The following DNAH7 variants were observed in gnomAD, a reference collection of about 807,000 sequenced individuals.
DNAH7 encodes the protein axonemal beta dynein heavy chain 7.
In DNAH7, 397 loss-of-function variants were observed where a neutral mutation model predicts 444.6. That is an observed-to-expected ratio of 0.89 (90% CI 0.82 to 0.97). DNAH7 has a LOEUF of 0.97. DNAH7 is among the 50% of genes least tolerant of loss of function. DNAH7 has a pLI of 0.00. For synonymous variants in DNAH7, 1,636 were observed against 1,624.4 expected (o/e 1.01, Z -0.17); for missense variants, 4,902 against 4,800.8 (o/e 1.02, Z -0.62).
chr2:195,780,371 T>C (rs1014434722), intron 58 of DNAH7, among the ~76,000 whole-genome samples: 3 of 152,172 alleles, frequency 2.0e-5, no homozygotes, highest in Non-Finnish European at 2.9e-5. Context: ...GTCTTTCAGA[T>C]AAAATTTTAA....
chr2:195,967,117 CT>C (rs945365467), intron 17 of DNAH7, among the ~76,000 whole-genome samples: 33 of 151,714 alleles, frequency 2.2e-4, no homozygotes, highest in Admixed American at 2.6e-4. Context: ...TTTTGTTTAT[CT>C]GTTGTATATA....
chr2:195,763,053 G>T (rs766992960), intron 61 of DNAH7, among the ~76,000 whole-genome samples: 12 of 152,106 alleles, frequency 7.9e-5, no homozygotes, highest in Non-Finnish European at 1.6e-4. Context: ...TCAATAACAA[G>T]AGGAATTTTG....
chr2:196,018,576 A>G (rs1041570002), intron 9 of DNAH7, among the ~76,000 whole-genome samples: 8 of 152,190 alleles, frequency 5.3e-5, no homozygotes, highest in South Asian at 4.1e-4. Context: ...TCAGAATTCC[A>G]TAAGATAAAT....
chr2:196,007,777 G>C (rs1694472794), intron 10 of DNAH7, among the ~76,000 whole-genome samples: 1 of 152,094 alleles, frequency 6.6e-6, no homozygotes, highest in Non-Finnish European at 1.5e-5. Flanking sequence ...CTTCCACCAT[G>C]ATTGTGAGGC....
chr2:195,828,867 A>C (rs1211873327), intron 48 of DNAH7, among the ~76,000 whole-genome samples: 7 of 152,032 alleles, frequency 4.6e-5, no homozygotes, highest in Non-Finnish European at 7.4e-5. Flanking sequence ...AAAGCCTTAC[A>C]TATATTAGGG....
chr2:195,785,019 C>T (rs1279153843), intron 58 of DNAH7, among the ~76,000 whole-genome samples: 1 of 151,298 alleles, frequency 6.6e-6, no homozygotes, highest in Non-Finnish European at 1.5e-5. Flanking sequence ...TCACGCCATT[C>T]TCCTGCCTCA....
At chr2:195,786,649 T>G (rs80111169) in intron 58 of DNAH7, among the ~76,000 whole-genome samples, 4,760 of 152,102 alleles carry the variant, frequency 0.031, 90 homozygotes, top group Middle Eastern at 0.054. Flanking sequence ...AAAGTCATAC[T>G]CCACAAAGGA....
chr2:195,750,453 T>C (rs1020345130), intron 63 of DNAH7, among the ~76,000 whole-genome samples: 1 of 152,178 alleles, frequency 6.6e-6, no homozygotes, highest in East Asian at 1.9e-4. Flanking sequence ...CTGCGTATTA[T>C]AATAATACAA....
At chr2:196,018,943 C>T (rs1228087049) in intron 9 of DNAH7, among the ~76,000 whole-genome samples, 1 of 152,054 alleles carries the variant, frequency 6.6e-6, no homozygotes, top group Non-Finnish European at 1.5e-5. Flanking sequence ...TAAATATATG[C>T]ATCTACTATG....
chr2:196,026,774 A>G lies in DNAH7; in HGVS notation c.653T>C (p.Val218Ala). Reference sequence around the variant, plus strand: ...TACCAATTTACCTATGGATTTCCTTACACTAAGAAGATAATCCTCTCTCAT... The same window carrying G: ...TACCAATTTACCTATGGATTTCCTTGCACTAAGAAGATAATCCTCTCTCAT... ...DEMREDYLLS[V>A]RKSIVDFVLK... Residue 218 changes from valine (V) to alanine (A), a missense_variant, in exon 7 of 65, where the codon GTA becomes GCA. Physicochemically the swap from Val to Ala is moderately conservative, Grantham distance 64. Transcript: ENST00000312428. 6.2e-7 allele frequency: 1 copy of G among 1,609,392 alleles called. No individual in the cohort carries two copies. Among genetic ancestry groups the G allele is most frequent in the South Asian group, 1.1e-5 (1 of 90,634 alleles).
intron 15 of DNAH7, among the ~76,000 whole-genome samples, chr2:195,974,739 G>T (rs1423863413): frequency 7.8e-6 from 1 of 128,912 alleles, no homozygotes; most frequent in African/African-American, 3.1e-5. Flanking sequence ...ATATATATAG[G>T]CATGTATGTA....
In DNAH7 at chr2:195,872,263, A is replaced by G; in HGVS notation, c.6620T>C (p.Leu2207Pro). The change falls in exon 40 of 65, where the codon CTT becomes CCT. Residue 2207 changes from leucine to proline, a missense_variant. Physicochemically the swap from Leu to Pro is moderately conservative, Grantham distance 98. Transcript: ENST00000312428. ...TTETTEVIKR[L>P]WVHEVLRVYY... ...AGGAAAATTTACCTCATGAACCCAA[A>G]GACGTTTAATCACTTCTGTGGTTTC... The G allele has an allele frequency of 1.2e-6, 2 of 1,612,564 alleles. No individual in the cohort carries two copies.
chr2:195,811,575 C>T (rs553211635), intron 51 of DNAH7, among the ~76,000 whole-genome samples: 44 of 152,026 alleles, frequency 2.9e-4, no homozygotes, highest in Non-Finnish European at 5.0e-4. Flanking sequence ...GGTATCGAAC[C>T]CTTGGGCTCA....
At chr2:195,811,132 GCTGGTGAGTGATACAGT>G (rs1424209861) in intron 51 of DNAH7, among the ~76,000 whole-genome samples, 1 of 152,178 alleles carries the variant, frequency 6.6e-6, no homozygotes, top group African/African-American at 2.4e-5. Context: ...CATTCTCAAT[GCTGGTGAGTGATACAGT>G]GATATAGGAT....
At chr2:195,865,704 T>C (rs1700288922) in intron 40 of DNAH7, among the ~76,000 whole-genome samples, 2 of 152,286 alleles carry the variant, frequency 1.3e-5, no homozygotes, top group South Asian at 4.2e-4. Flanking sequence ...TTGGACTGAA[T>C]TGTGTCCCCC....
chr2:195,809,702 C>G (rs1696873301), intron 52 of DNAH7, 43 bp downstream of exon 52: 4 of 1,455,686 alleles, frequency 2.7e-6, no homozygotes, highest in Non-Finnish European at 2.7e-6. Context: ...AATGAATCAG[C>G]GTTATTAAGG....
At chr2:195,921,091 G>A (rs1300895381) in intron 24 of DNAH7, among the ~76,000 whole-genome samples, 1 of 152,100 alleles carries the variant, frequency 6.6e-6, no homozygotes, top group African/African-American at 2.4e-5. Context: ...AGTGAAAGGG[G>A]AACACTTTTA....
chr2:195,889,668 A>G (rs935753600), intron 31 of DNAH7, among the ~76,000 whole-genome samples: 15 of 152,200 alleles, frequency 9.9e-5, no homozygotes, highest in African/African-American at 3.1e-4. Context: ...AGAAAGTAAT[A>G]TAAGTAAAAA....
At chr2:195,906,241 A>C (rs1574726846) in intron 27 of DNAH7, among the ~76,000 whole-genome samples, 1 of 152,070 alleles carries the variant, frequency 6.6e-6, no homozygotes, top group Non-Finnish European at 1.5e-5. Flanking sequence ...GCACTATTTT[A>C]AAAATAAATA....
Sources: allele counts gnomAD v4.1 joint callset (sites outside exome capture counted in the v4.1 genomes callset), GRCh38; gene constraint gnomAD v4.1.1; transcripts MANE v1.5; gene names NCBI Gene and HGNC (gene_info 2026-07-23, HGNC 2026-07-21).